Variants in PIP5K1B observed in about 807,000 individuals in gnomAD.
PIP5K1B encodes phosphatidylinositol 4-phosphate 5-kinase type-1 beta.
In PIP5K1B, 42 loss-of-function variants were observed where a neutral mutation model predicts 67.0. That is an observed-to-expected ratio of 0.63 (90% CI 0.49 to 0.81). The LOEUF (loss-of-function observed/expected upper bound fraction) is 0.81. Ranked by LOEUF, PIP5K1B falls within the 30% of genes least tolerant of loss-of-function variation. The pLI is 0.00. For synonymous variants in PIP5K1B, 214 were observed against 231.4 expected (o/e 0.92, Z 0.68); for missense variants, 459 against 646.3 (o/e 0.71, Z 3.14).
chr9:68,978,862 T>C (rs1829755762), intron 14 of PIP5K1B, among the ~76,000 whole-genome samples: 1 of 152,172 alleles, frequency 6.6e-6, no homozygotes, highest in South Asian at 2.1e-4. Flanking sequence ...TTCTTAGACG[T>C]GACCCGAAGG....
intron 2 of PIP5K1B, among the ~76,000 whole-genome samples, chr9:68,799,024 T>C (rs2132525642): frequency 6.6e-6 from 1 of 152,320 alleles, no homozygotes; most frequent in South Asian, 2.1e-4. Flanking sequence ...TGACATTGAA[T>C]GAGATGGGAA....
At chr9:68,773,227 T>C (rs1830750569) in intron 2 of PIP5K1B, among the ~76,000 whole-genome samples, 1 of 152,222 alleles carries the variant, frequency 6.6e-6, no homozygotes, top group African/African-American at 2.4e-5. Context: ...CATAAAGCCA[T>C]CAGTTCCTCC....
At chr9:68,719,195 T>C (rs117335520) in intron 1 of PIP5K1B, among the ~76,000 whole-genome samples, 1 of 152,324 alleles carries the variant, frequency 6.6e-6, no homozygotes, top group East Asian at 1.9e-4. Context: ...TTTTGTAACA[T>C]ATTGATAATG....
At chr9:68,930,000 G>A (rs768572481) in intron 12 of PIP5K1B, among the ~76,000 whole-genome samples, 1 of 152,186 alleles carries the variant, frequency 6.6e-6, no homozygotes, top group Non-Finnish European at 1.5e-5. Flanking sequence ...TCTCCAGCAT[G>A]TGAGACCACT....
chr9:68,833,564 C>T (rs1459006089), intron 4 of PIP5K1B, among the ~76,000 whole-genome samples: 1 of 151,002 alleles, frequency 6.6e-6, no homozygotes, highest in Non-Finnish European at 1.5e-5. Context: ...GGACACTGCC[C>T]CCCCACCCCC....
intron 8 of PIP5K1B, among the ~76,000 whole-genome samples, chr9:68,910,203 C>G (rs1391099687): frequency 2.0e-5 from 3 of 152,156 alleles, no homozygotes; most frequent in African/African-American, 7.2e-5. Context: ...ACAACTTTGC[C>G]TTTTATCTGC....
At chr9:68,792,700 C>T (rs1832049467) in intron 2 of PIP5K1B, among the ~76,000 whole-genome samples, 2 of 152,102 alleles carry the variant, frequency 1.3e-5, no homozygotes, top group African/African-American at 2.4e-5. Context: ...AGGATGGTCT[C>T]GATCTCCTGA....
At chr9:68,803,167 G>T (rs1225502074) in intron 2 of PIP5K1B, among the ~76,000 whole-genome samples, 1 of 152,154 alleles carries the variant, frequency 6.6e-6, no homozygotes, top group Admixed American at 6.5e-5. Flanking sequence ...TGGACAACTG[G>T]GTGCTAATGG....
intron 5 of PIP5K1B, among the ~76,000 whole-genome samples, chr9:68,873,356 C>T (rs1243415550): frequency 2.1e-5 from 3 of 144,994 alleles, no homozygotes; most frequent in East Asian, 4.0e-4. Flanking sequence ...GGCGCGACCT[C>T]GGCTCACTGC....
intron 14 of PIP5K1B, among the ~76,000 whole-genome samples, chr9:68,948,432 A>G (rs2132673294): frequency 6.6e-6 from 1 of 152,214 alleles, no homozygotes; most frequent in Middle Eastern, 3.4e-3. Context: ...GGAGTTCGAG[A>G]CCAACCTGGG....
intron 14 of PIP5K1B, 71 bp downstream of exon 14, chr9:68,940,861 C>A: frequency 7.3e-7 from 1 of 1,379,076 alleles, no homozygotes; most frequent in Non-Finnish European, 1.0e-6. Context: ...ACCAGTATCT[C>A]TGAATGAGGA....
chr9:68,817,757 T>C (rs10117946), intron 2 of PIP5K1B, among the ~76,000 whole-genome samples: 113,099 of 143,932 alleles, frequency 0.79, 44,575 homozygotes, highest in Admixed American at 0.85. Flanking sequence ...AGTCTCACTA[T>C]GTTGCCCAGG....
intron 9 of PIP5K1B, among the ~76,000 whole-genome samples, chr9:68,919,224 G>T (rs1013542849): frequency 6.6e-6 from 1 of 151,818 alleles, no homozygotes. Flanking sequence ...AACTCTTCAC[G>T]GTTAGCAGCT....
chr9:68,772,208 A>G (rs1830699222), intron 2 of PIP5K1B, among the ~76,000 whole-genome samples: 1 of 152,118 alleles, frequency 6.6e-6, no homozygotes, highest in Non-Finnish European at 1.5e-5. Context: ...TACTCCTCCA[A>G]ACATCCCTCT....
chr9:68,935,411 T>C (rs570313925), intron 13 of PIP5K1B, among the ~76,000 whole-genome samples: 3 of 152,292 alleles, frequency 2.0e-5, no homozygotes, highest in Non-Finnish European at 4.4e-5. Context: ...GAGGCTGCAA[T>C]GAGCTGAGAT....
At chr9:68,935,116 G>T in intron 13 of PIP5K1B, 71 bp downstream of exon 13, 2 of 1,333,994 alleles carry the variant, frequency 1.5e-6, no homozygotes, top group Non-Finnish European at 1.1e-6. Flanking sequence ...ATTTGCAGAA[G>T]AAAAATTTAA....
intron 4 of PIP5K1B, among the ~76,000 whole-genome samples, chr9:68,827,549 T>C (rs1364625239): frequency 1.3e-5 from 2 of 152,148 alleles, no homozygotes; most frequent in African/African-American, 4.8e-5. Context: ...TTGTAGGGGC[T>C]AGTGACAAAT....
intron 4 of PIP5K1B, among the ~76,000 whole-genome samples, chr9:68,849,543 T>G (rs1234273340): frequency 6.6e-6 from 1 of 152,186 alleles, no homozygotes; most frequent in Admixed American, 6.5e-5. Context: ...TTTTTGCATT[T>G]TTTGTAAAGA....
chr9:68,906,517 C>T (rs1025262743), intron 8 of PIP5K1B, among the ~76,000 whole-genome samples: 9 of 152,138 alleles, frequency 5.9e-5, no homozygotes, highest in South Asian at 2.1e-4. Context: ...GATACATCTG[C>T]GAACTTTCTA....
Sources: gnomAD v4.1 joint callset for allele counts (sites outside exome capture counted in the v4.1 genomes callset) on GRCh38, gnomAD v4.1.1 for gene constraint, MANE v1.5 for transcripts, NCBI Gene and HGNC (gene_info 2026-07-23, HGNC 2026-07-21) for gene names.